Variants in SLC11A2 observed in about 807,000 individuals in gnomAD.
SLC11A2 encodes the protein natural resistance-associated macrophage protein 2.
A neutral mutation model predicts 68.0 loss-of-function variants in SLC11A2; 38 were observed. The observed-to-expected ratio is 0.56, with a 90% CI of 0.43 to 0.73. The LOEUF (loss-of-function observed/expected upper bound fraction) is 0.73. Among genes scored for constraint, SLC11A2 ranks in the 30% least tolerant of loss-of-function variants. The pLI, the probability that SLC11A2 is intolerant of heterozygous loss-of-function variation, is 0.00. For synonymous variants in SLC11A2, 242 were observed against 250.6 expected (o/e 0.97, Z 0.32); for missense variants, 517 against 690.5 (o/e 0.75, Z 2.82).
At chr12:50,991,297 C>CTT in intron 14 of SLC11A2, among the ~76,000 whole-genome samples, 1 of 152,304 alleles carries the variant, frequency 6.6e-6, no homozygotes, top group Middle Eastern at 3.4e-3. Context: ...AAGGTACTAA[C>CTT]TTATGCCTTT....
downstream of SLC11A2, among the ~76,000 whole-genome samples, chr12:50,977,496 C>G (rs1592279497): frequency 1.3e-5 from 2 of 152,244 alleles, no homozygotes; most frequent in South Asian, 4.1e-4. Flanking sequence ...AAAATTAATT[C>G]AAGATGGATT....
chr12:50,957,937 G>GGTGTGTGTGTGTGTGTGTGTGTGT, the SLC11A2 span, among the ~76,000 whole-genome samples: 16 of 132,408 alleles, frequency 1.2e-4, no homozygotes, highest in African/African-American at 2.7e-4. Flanking sequence ...ATGAATTGGA[G>GGTGTGTGTGTGTGTGTGTGTGTGT]GTGTGTGTGT....
chr12:50,981,672 G>T, downstream of SLC11A2: 2 of 1,191,616 alleles, frequency 1.7e-6, no homozygotes, highest in South Asian at 1.3e-5. Flanking sequence ...CGGGACACCT[G>T]GCACAAAAAG....
At chr12:51,002,962 G>C (rs1942399140) in intron 5 of SLC11A2, among the ~76,000 whole-genome samples, 1 of 151,280 alleles carries the variant, frequency 6.6e-6, no homozygotes, top group Non-Finnish European at 1.5e-5. Flanking sequence ...ACAAGGCCAG[G>C]CGCAGTGGCT....
chr12:50,986,241 C>T lies in SLC11A2; in HGVS notation c.*2084G>A. The T allele has an allele frequency of 1.6e-6, 2 of 1,284,086 alleles. No homozygotes were observed. Among genetic ancestry groups the T allele is most frequent in the South Asian group, 2.5e-5 (2 of 80,888 alleles). 79.5% of individuals were successfully genotyped at this position (1,284,086 alleles called of 1,614,324 possible). On this transcript the variant is annotated 3_prime_UTR_variant, in exon 16 of 16. Transcript: ENST00000262052. ...TCCTTAAACATTCCACATAAACACA[C>T]TGTCAAAACTCACTGGATATGCTGG...
At chr12:51,018,756 C>T (rs1244619951) in intron 1 of SLC11A2, among the ~76,000 whole-genome samples, 1 of 152,126 alleles carries the variant, frequency 6.6e-6, no homozygotes, top group Non-Finnish European at 1.5e-5. Context: ...GAGCAAGACC[C>T]TGTCTGTCAT....
At chr12:51,017,926 G>A (rs1473082357) in intron 1 of SLC11A2, among the ~76,000 whole-genome samples, 1 of 151,912 alleles carries the variant, frequency 6.6e-6, no homozygotes, top group Non-Finnish European at 1.5e-5. Flanking sequence ...TCCATTCCCT[G>A]GTACTACTCT....
the SLC11A2 span, chr12:50,970,426 A>G: frequency 7.6e-7 from 1 of 1,322,144 alleles, no homozygotes; most frequent in Non-Finnish European, 1.1e-6. Flanking sequence ...ATTGATATAC[A>G]TCCTTCTTTT....
chr12:50,983,306 T>C (rs999415843), downstream of SLC11A2, among the ~76,000 whole-genome samples: 2 of 152,210 alleles, frequency 1.3e-5, no homozygotes, highest in African/African-American at 4.8e-5. Flanking sequence ...TTTAGCCCTA[T>C]TATTATTACG....
downstream of SLC11A2, chr12:50,985,844 C>T: frequency 2.7e-6 from 2 of 739,716 alleles, no homozygotes; most frequent in Non-Finnish European, 3.4e-6. Flanking sequence ...ATTTATTTCT[C>T]TATCCTTTCT....
intron 15 of SLC11A2, among the ~76,000 whole-genome samples, chr12:50,989,702 T>C (rs1940953757): frequency 6.6e-6 from 1 of 152,208 alleles, no homozygotes. Flanking sequence ...ACAGTCTTTG[T>C]GTGCACAAAG....
chr12:50,993,990 TC>T (rs1941443087), intron 11 of SLC11A2, among the ~76,000 whole-genome samples: 2 of 27,220 alleles, frequency 7.3e-5, no homozygotes, highest in African/African-American at 3.3e-4. Context: ...AGACCTTGTC[TC>T]CAAAAAAAAA....
chr12:50,975,126 T>C (rs1373509714), downstream of SLC11A2, among the ~76,000 whole-genome samples: 1 of 152,186 alleles, frequency 6.6e-6, no homozygotes, highest in South Asian at 2.1e-4. Context: ...AACTCAGCTC[T>C]GCACCAAGTG....
chr12:51,002,844 G>A (rs1942384325), intron 5 of SLC11A2, among the ~76,000 whole-genome samples: 1 of 151,932 alleles, frequency 6.6e-6, no homozygotes, highest in Non-Finnish European at 1.5e-5. Flanking sequence ...GGAGGCTGAG[G>A]CAGGAGAATA....
intron 14 of SLC11A2, 148 bp downstream of exon 14, chr12:50,991,451 A>C: frequency 1.4e-6 from 1 of 695,982 alleles, no homozygotes; most frequent in South Asian, 1.6e-5. Context: ...CACAGTTTCC[A>C]TTCTCTAAGC....
At chr12:51,023,749 G>C (rs910683597) in intron 1 of SLC11A2, among the ~76,000 whole-genome samples, 1 of 152,140 alleles carries the variant, frequency 6.6e-6, no homozygotes, top group Admixed American at 6.6e-5. Context: ...TCCTAAAGAA[G>C]TATTAAACTG....
the SLC11A2 span, among the ~76,000 whole-genome samples, chr12:50,964,881 C>T: frequency 6.6e-6 from 1 of 152,318 alleles, no homozygotes; most frequent in Middle Eastern, 3.4e-3. Flanking sequence ...GGAATCACCA[C>T]TCTGGTATCT....
At chr12:50,974,741 A>G (rs1156998557), downstream of SLC11A2, among the ~76,000 whole-genome samples, 2 of 152,178 alleles carry the variant, frequency 1.3e-5, no homozygotes, top group African/African-American at 2.4e-5. Flanking sequence ...TATTCAGGAA[A>G]CCCATCTCAT....
intron 1 of SLC11A2, among the ~76,000 whole-genome samples, chr12:51,021,966 G>A (rs555371289): frequency 2.0e-5 from 3 of 151,998 alleles, no homozygotes; most frequent in Admixed American, 2.0e-4. Context: ...AATTAGAAGG[G>A]GCTGGTACCC....
Sources: gnomAD v4.1 joint callset for allele counts (sites outside exome capture counted in the v4.1 genomes callset) on GRCh38, gnomAD v4.1.1 for gene constraint, MANE v1.5 for transcripts, NCBI Gene and HGNC (gene_info 2026-07-23, HGNC 2026-07-21) for gene names.